Variants in PTPRM observed in about 807,000 individuals in gnomAD.
The protein encoded by PTPRM is protein tyrosine phosphatase receptor type M.
A neutral mutation model predicts 186.7 loss-of-function variants in PTPRM; 47 were observed. That is an observed-to-expected ratio of 0.25 (90% confidence interval 0.20 to 0.32). PTPRM has a LOEUF of 0.32. Among genes scored for constraint, PTPRM ranks in the 10% least tolerant of loss-of-function variants. The probability of loss-of-function intolerance (pLI) is 1.00; values close to 1 mark genes in which losing one functional copy is unlikely to be tolerated. For synonymous variants in PTPRM, 668 were observed against 674.9 expected, an observed-to-expected ratio of 0.99 and a Z score of 0.16; for missense variants, 1,494 against 1,865.0, an observed-to-expected ratio of 0.80 and a Z score of 3.66.
chr18:8,378,154 C>T (rs1019545521), intron 26 of PTPRM, 111 bp from the exon 27 acceptor site: 2 of 1,141,236 alleles, frequency 1.8e-6, no homozygotes, highest in Non-Finnish European at 2.5e-6. Context: ...CCGTGTTTCT[C>T]TCTGGAGGAA....
chr18:7,944,087 A>G (rs569936763), intron 5 of PTPRM, among the ~76,000 whole-genome samples: 1 of 152,208 alleles, frequency 6.6e-6, no homozygotes, highest in African/African-American at 2.4e-5. Context: ...TTTGGGGTTT[A>G]AGCCTGTTAA....
At chr18:7,897,595 T>C (rs1311038497) in intron 3 of PTPRM, among the ~76,000 whole-genome samples, 1 of 152,246 alleles carries the variant, frequency 6.6e-6, no homozygotes, top group East Asian at 1.9e-4. Flanking sequence ...ACAATTTGCG[T>C]GATTGTTTTC....
At chr18:8,146,633 C>G (rs1414058358) in intron 14 of PTPRM, among the ~76,000 whole-genome samples, 1 of 152,160 alleles carries the variant, frequency 6.6e-6, no homozygotes, top group East Asian at 1.9e-4. Context: ...GTTTCTTTTG[C>G]TGTGCAGAAG....
chr18:7,639,441 C>T (rs1198413650), intron 1 of PTPRM, among the ~76,000 whole-genome samples: 3 of 149,914 alleles, frequency 2.0e-5, no homozygotes, highest in African/African-American at 7.4e-5. Flanking sequence ...GGCTGGAGTG[C>T]GATGGCGTGA....
At chr18:8,263,533 A>G (rs1488072228) in intron 19 of PTPRM, among the ~76,000 whole-genome samples, 2 of 152,192 alleles carry the variant, frequency 1.3e-5, no homozygotes, top group Non-Finnish European at 2.9e-5. Context: ...TTGGGATTTT[A>G]TGAGTGATAA....
intron 7 of PTPRM, among the ~76,000 whole-genome samples, chr18:8,068,263 C>T (rs571904127): frequency 6.6e-6 from 1 of 151,268 alleles, no homozygotes; most frequent in Non-Finnish European, 1.5e-5. Flanking sequence ...GATCTCTTTA[C>T]ATTCATATTT....
At chr18:7,846,072 G>A (rs998082600) in intron 2 of PTPRM, among the ~76,000 whole-genome samples, 4 of 152,084 alleles carry the variant, frequency 2.6e-5, no homozygotes, top group Non-Finnish European at 5.9e-5. Context: ...GGATTACCTC[G>A]GGCAAAAACA....
intron 7 of PTPRM, among the ~76,000 whole-genome samples, chr18:8,006,128 T>C (rs1238387814): frequency 1.3e-5 from 2 of 152,220 alleles, no homozygotes; most frequent in Non-Finnish European, 2.9e-5. Flanking sequence ...CTGCTGCCTG[T>C]CAGCTCAGGT....
At chr18:7,906,408 GA>G (rs2049985582) in intron 3 of PTPRM, 96 bp from the exon 4 acceptor site, 2 of 911,384 alleles carry the variant, frequency 2.2e-6, no homozygotes, top group African/African-American at 3.3e-5. Context: ...ATGAATTGGT[GA>G]AAGAATAAAC....
At chr18:7,710,297 A>G (rs1288890526) in intron 1 of PTPRM, among the ~76,000 whole-genome samples, 2 of 152,232 alleles carry the variant, frequency 1.3e-5, no homozygotes, top group East Asian at 3.8e-4. Context: ...AACAAAAATC[A>G]TATGATCATC....
At chr18:8,036,164 G>A (rs887297183) in intron 7 of PTPRM, among the ~76,000 whole-genome samples, 9 of 152,158 alleles carry the variant, frequency 5.9e-5, no homozygotes, top group Non-Finnish European at 7.3e-5. Flanking sequence ...ACATGGCGTC[G>A]GGGTAACTCC....
intron 31 of PTPRM, among the ~76,000 whole-genome samples, chr18:8,387,504 G>GAA (rs11375233): frequency 0.062 from 9,108 of 147,020 alleles, 332 homozygotes; most frequent in East Asian, 0.091. Flanking sequence ...CTGCCAAGAG[G>GAA]AAAAAAAAAA....
chr18:8,338,244 T>TCCTTTACTTAAAG, intron 22 of PTPRM, among the ~76,000 whole-genome samples: 1 of 151,644 alleles, frequency 6.6e-6, no homozygotes, highest in Non-Finnish European at 1.5e-5. Flanking sequence ...GGAAGTGACC[T>TCCTTTACTTAAAG]GAGATCATGT....
At chr18:7,952,688 CAAAA>C (rs759055250) in intron 6 of PTPRM, among the ~76,000 whole-genome samples, 2 of 93,940 alleles carry the variant, frequency 2.1e-5, no homozygotes, top group Non-Finnish European at 2.2e-5. Flanking sequence ...GACTCCATCT[CAAAA>C]AAAAAAAAAA....
intron 14 of PTPRM, among the ~76,000 whole-genome samples, chr18:8,198,395 T>C (rs1022810845): frequency 3.3e-5 from 5 of 152,188 alleles, no homozygotes; most frequent in Non-Finnish European, 5.9e-5. Context: ...GCGATCTGCC[T>C]ACCTTGGCCT....
intron 2 of PTPRM, among the ~76,000 whole-genome samples, chr18:7,850,237 T>G (rs931878795): frequency 6.6e-6 from 1 of 152,252 alleles, no homozygotes; most frequent in Non-Finnish European, 1.5e-5. Context: ...AATGAAATAG[T>G]GCCTTAAGAT....
At chr18:7,844,801 A>T (rs1465168644) in intron 2 of PTPRM, among the ~76,000 whole-genome samples, 3 of 152,142 alleles carry the variant, frequency 2.0e-5, no homozygotes, top group Non-Finnish European at 4.4e-5. Context: ...TTTTCATTGT[A>T]AGTGTCTCTG....
chr18:7,999,771 G>C (rs554220281), intron 7 of PTPRM, among the ~76,000 whole-genome samples: 2 of 152,016 alleles, frequency 1.3e-5, no homozygotes, highest in South Asian at 2.1e-4. Context: ...ATTGTACTAG[G>C]GTTCTCCAGA....
At chr18:7,740,979 G>A (rs1377662909) in intron 1 of PTPRM, among the ~76,000 whole-genome samples, 1 of 152,118 alleles carries the variant, frequency 6.6e-6, no homozygotes, top group Admixed American at 6.5e-5. Flanking sequence ...TCATTTTAAT[G>A]CTTCTCTGGG....
Sources: gnomAD v4.1 joint callset for allele counts (sites outside exome capture counted in the v4.1 genomes callset) on GRCh38, gnomAD v4.1.1 for gene constraint, MANE v1.5 for transcripts, NCBI Gene and HGNC (gene_info 2026-07-23, HGNC 2026-07-21) for gene names.